Variants in EXO1 observed in about 807,000 individuals in gnomAD.
The protein encoded by EXO1 is exonuclease 1.
In EXO1, 69 loss-of-function variants were observed where a neutral mutation model predicts 84.5. That is an observed-to-expected ratio of 0.82 (90% CI 0.67 to 1.00). The LOEUF (loss-of-function observed/expected upper bound fraction) is 1.00, where lower values mean the gene tolerates loss of function less well. EXO1 is among the 50% of genes least tolerant of loss of function. EXO1 has a pLI of 0.00. For missense variants in EXO1, 1,045 were observed against 1,000.7 expected (o/e 1.04, Z -0.60); for synonymous variants, 373 against 366.1 (o/e 1.02, Z -0.21).
At chr1:241,868,878 G>GT (rs992701235) in intron 11 of EXO1, among the ~76,000 whole-genome samples, 2 of 151,918 alleles carry the variant, frequency 1.3e-5, no homozygotes, top group African/African-American at 4.8e-5. Flanking sequence ...TTTCAGTTTT[G>GT]TTTTCTAGTT....
At position 241,879,077 on chromosome 1, in the gene EXO1, C is replaced by G; in HGVS notation, c.1843C>G (p.Leu615Val). 3.7e-6 allele frequency: 6 copies of G among 1,614,070 alleles called. No homozygotes were observed. The highest frequency in any genetic ancestry group is 5.1e-6 in the Non-Finnish European group (6 of 1,179,946). Reference sequence around the variant, plus strand: ...AAGTTGTTTTAGTTGGTCTGGAGGTCTTGGAGATTTTTCAAGAACGCCGAG... The same window carrying G: ...AAGTTGTTTTAGTTGGTCTGGAGGTGTTGGAGATTTTTCAAGAACGCCGAG... The part of the protein sequence containing the change: ...LRSCFSWSGG[L>V]GDFSRTPSPS... The change falls in exon 13 of 16, where the codon CTT becomes GTT. Residue 615 changes from leucine (L) to valine (V), a missense_variant. Transcript: ENST00000366548.
At chr1:241,885,545 C>G (rs761656544) in intron 15 of EXO1, 38 bp downstream of exon 15, 3 of 1,439,948 alleles carry the variant, frequency 2.1e-6, no homozygotes, top group South Asian at 2.3e-5. Flanking sequence ...ACAAGATAAA[C>G]TGTTATTTTC....
chr1:241,867,686 CCCCATTTAATTG>C (rs2148462115), intron 11 of EXO1, among the ~76,000 whole-genome samples: 1 of 151,842 alleles, frequency 6.6e-6, no homozygotes, highest in South Asian at 2.1e-4. Context: ...GTTTTCCTTT[CCCCATTTAATTG>C]CCTTGGCACA....
At chr1:241,851,143 A>G (rs1660650536) in intron 4 of EXO1, among the ~76,000 whole-genome samples, 1 of 152,164 alleles carries the variant, frequency 6.6e-6, no homozygotes. Context: ...TTCTTAACCT[A>G]AGATAAATTT....
intron 12 of EXO1, among the ~76,000 whole-genome samples, chr1:241,873,734 A>T (rs1223956993): frequency 1.3e-5 from 2 of 152,198 alleles, no homozygotes; most frequent in Admixed American, 6.5e-5. Flanking sequence ...GTACAGAGAT[A>T]AAGGCATGAA....
intron 12 of EXO1, among the ~76,000 whole-genome samples, chr1:241,876,982 G>A (rs1382122562): frequency 2.0e-5 from 3 of 152,186 alleles, no homozygotes; most frequent in African/African-American, 4.8e-5. Flanking sequence ...TAGAAACTGC[G>A]TGTCAAGCAC....
chr1:241,863,433 G>GT (rs1468310347), intron 10 of EXO1, among the ~76,000 whole-genome samples: 1 of 147,190 alleles, frequency 6.8e-6, no homozygotes, highest in African/African-American at 2.5e-5. Flanking sequence ...CAAAAAAAGC[G>GT]TATGTAGAAA....
rs186096467 is a variant in EXO1 at position 241,880,466 on chromosome 1, A to T, written c.2109+1123A>T. 6.6e-5 allele frequency among the ~76,000 whole-genome samples: 10 copies of T among 152,224 alleles called. No individual in the cohort carries two copies. In the East Asian group the frequency reaches 1.9e-3, roughly 29 times the overall value. On this transcript the variant is annotated intron_variant, in intron 13 of 15. Coordinates refer to ENST00000366548, the MANE Select transcript of EXO1 (RefSeq NM_130398.4). ...TCAGTTCACACTGTAGGCTGGTAGA[A>T]CTCCACATTTTGTCTTCTGGGCTAA... is the stretch of plus-strand genomic sequence containing the variant.
intron 9 of EXO1, 111 bp downstream of exon 9, chr1:241,860,815 C>G: frequency 1.2e-6 from 1 of 849,772 alleles, no homozygotes; most frequent in Admixed American, 2.0e-5. Flanking sequence ...TTTTTGCTCT[C>G]TTTTTTATAG....
chr1:241,883,196 C>T (rs1662869624), intron 14 of EXO1, among the ~76,000 whole-genome samples: 2 of 151,946 alleles, frequency 1.3e-5, no homozygotes. Flanking sequence ...AATAAATGGC[C>T]CTGGCTATCC....
chr1:241,875,926 C>T (rs776114143), intron 12 of EXO1, among the ~76,000 whole-genome samples: 13 of 152,202 alleles, frequency 8.5e-5, no homozygotes, highest in Non-Finnish European at 1.5e-4. Context: ...AAGTTGACTT[C>T]TCTCACTTGG....
chr1:241,856,041 G>C, intron 6 of EXO1, among the ~76,000 whole-genome samples: 1 of 152,222 alleles, frequency 6.6e-6, no homozygotes, highest in East Asian at 1.9e-4. Context: ...GCAGCGGTGG[G>C]CTGAAGGGCT....
chr1:241,872,056 T>G lies in EXO1; in HGVS notation c.1292T>G (p.Leu431Trp), dbSNP rs369609566. ...GCAGAGCTGTCAGAAGATGACCTGT[T>G]GAGTCAGTATTCTCTTTCATTTACG... ...RSAELSEDDLLSQYSLSFTKK... is the reference protein window; with the variant it reads ...RSAELSEDDLWSQYSLSFTKK... Residue 431 changes from leucine to tryptophan, a missense_variant, in exon 12 of 16, where the codon TTG becomes TGG. Coordinates refer to ENST00000366548, the MANE Select transcript of EXO1 (RefSeq NM_130398.4). 5 of 1,613,298 alleles carry G rather than the reference T, an allele frequency of 3.1e-6. No individual in the cohort carries two copies. Among genetic ancestry groups the G allele is most frequent in the Admixed American group, 3.3e-5 (2 of 59,998 alleles).
At chr1:241,878,534 C>T (rs1662537928) in intron 12 of EXO1, among the ~76,000 whole-genome samples, 1 of 150,354 alleles carries the variant, frequency 6.7e-6, no homozygotes, top group Non-Finnish European at 1.5e-5. Context: ...TCTAAAAATT[C>T]ATCGTATAAA....
At chr1:241,888,014 A>T (rs1663163749) in intron 15 of EXO1, among the ~76,000 whole-genome samples, 1 of 152,180 alleles carries the variant, frequency 6.6e-6, no homozygotes, top group African/African-American at 2.4e-5. Context: ...GTAAACTATC[A>T]TACTTCCATA....
At chr1:241,885,063 G>C (rs1635490) in intron 14 of EXO1, among the ~76,000 whole-genome samples, 148,667 of 151,890 alleles carry the variant, frequency 0.98, 72,843 homozygotes, top group East Asian at 1. Context: ...AAAAATTAGC[G>C]AGGCGTGGTG....
chr1:241,876,904 C>T (rs1021482117), intron 12 of EXO1, among the ~76,000 whole-genome samples: 3 of 152,158 alleles, frequency 2.0e-5, no homozygotes, highest in Non-Finnish European at 2.9e-5. Flanking sequence ...ACACACTGTT[C>T]ACCTCCCTGA....
intron 8 of EXO1, 69 bp from the exon 9 acceptor site, chr1:241,860,448 A>G (rs1051913567): frequency 3.8e-5 from 47 of 1,222,946 alleles, no homozygotes; most frequent in East Asian, 7.0e-5. Flanking sequence ...ATGTAAATCA[A>G]TCAGCCTTGA....
At chr1:241,857,944 T>C (rs4149898) in intron 7 of EXO1, among the ~76,000 whole-genome samples, 195 of 152,336 alleles carry the variant, frequency 1.3e-3, no homozygotes, top group African/African-American at 4.5e-3. Context: ...TGGAAAACTT[T>C]ATTTAGGGGA....
Sources: allele counts gnomAD v4.1 joint callset (sites outside exome capture counted in the v4.1 genomes callset), GRCh38; gene constraint gnomAD v4.1.1; transcripts MANE v1.5; gene names NCBI Gene and HGNC (gene_info 2026-07-23, HGNC 2026-07-21).